OMA1: variants seen among roughly 807,000 people sequenced by gnomAD.
OMA1 encodes the protein OMA1 zinc metallopeptidase.
In OMA1, 38 loss-of-function variants were observed where a neutral mutation model predicts 30.9. That is an observed-to-expected ratio of 1.23 (90% confidence interval 0.95 to 1.61). OMA1 has a LOEUF of 1.61. Among genes scored for constraint, OMA1 ranks in the 40% most tolerant of loss-of-function variants. OMA1 has a pLI of 0.00. For synonymous variants in OMA1, 173 were observed against 121.9 expected (o/e 1.42, Z -2.76); for missense variants, 461 against 349.2 (o/e 1.32, Z -2.55).
chr1:58,500,819 G>A (rs1645894831), intron 8 of OMA1, among the ~76,000 whole-genome samples: 1 of 152,110 alleles, frequency 6.6e-6, no homozygotes, highest in South Asian at 2.1e-4. Context: ...AAGAAATTCA[G>A]TCTAAATGTT....
At chr1:58,515,667 T>G (rs1646147791) in intron 7 of OMA1, among the ~76,000 whole-genome samples, 1 of 152,170 alleles carries the variant, frequency 6.6e-6, no homozygotes, top group African/African-American at 2.4e-5. Flanking sequence ...AAAAGAATCA[T>G]TAAGCAAAGA....
intron 4 of OMA1, 48 bp from the exon 5 acceptor site, chr1:58,534,108 T>A (rs1191526156): frequency 1.2e-6 from 1 of 866,954 alleles, no homozygotes; most frequent in South Asian, 1.3e-5. Context: ...TCATAAAAAA[T>A]AAGGACAATA....
chr1:58,540,470 G>A (rs1646588780), intron 1 of OMA1, among the ~76,000 whole-genome samples: 1 of 151,748 alleles, frequency 6.6e-6, no homozygotes, highest in South Asian at 2.1e-4. Context: ...AAGGATATTA[G>A]TTATTGTAAC....
In OMA1 at chr1:58,530,645, T is replaced by TGATA; in HGVS notation, c.1095_1096insTATC (p.Ser366TyrfsTer13). ...ATCCACTGGCACAAAAGTGCCAAGC[T>TGATA]ATCTCGAGGACAAATGGCCCAAATC... On this transcript the variant is annotated frameshift_variant, in exon 6 of 9. Coordinates refer to ENST00000371226, the MANE Select transcript of OMA1 (RefSeq NM_145243.5). LOFTEE classifies it high-confidence loss of function. The TGATA allele has an allele frequency of 1.1e-6, 1 of 872,844 alleles. No individual in the cohort carries two copies. The highest frequency in any genetic ancestry group is 2.0e-6 in the Non-Finnish European group (1 of 501,598). 54.1% of individuals were successfully genotyped at this position (872,844 alleles called of 1,614,324 possible).
intron 6 of OMA1, among the ~76,000 whole-genome samples, chr1:58,528,301 G>A (rs1646382511): frequency 6.6e-6 from 1 of 152,160 alleles, no homozygotes; most frequent in African/African-American, 2.4e-5. Context: ...TTAACTTATT[G>A]TTAACCCTGA....
intron 7 of OMA1, among the ~76,000 whole-genome samples, chr1:58,507,362 A>G (rs1471479433): frequency 6.6e-6 from 1 of 152,002 alleles, no homozygotes; most frequent in Non-Finnish European, 1.5e-5. Flanking sequence ...AAAGGCAAAT[A>G]TATTAATAGA....
chr1:58,536,064 A>G (rs1180468301), intron 3 of OMA1, among the ~76,000 whole-genome samples: 1 of 152,174 alleles, frequency 6.6e-6, no homozygotes, highest in Non-Finnish European at 1.5e-5. Flanking sequence ...AATTATGCAA[A>G]TAATTATGTT....
intron 7 of OMA1, among the ~76,000 whole-genome samples, chr1:58,508,173 G>C (rs879406216): frequency 5.9e-5 from 9 of 152,082 alleles, no homozygotes; most frequent in Non-Finnish European, 1.3e-4. Flanking sequence ...TATTAAAAGG[G>C]GACTTGAGAT....
chr1:58,527,265 G>T lies in OMA1; in HGVS notation c.1211C>A (p.Ala404Glu), dbSNP rs1646366908. The change falls in exon 7 of 9, where the codon GCA (alanine) becomes GAA (glutamate). Residue 404 changes from alanine to glutamate, a missense_variant. Transcript: ENST00000371226. The part of the protein sequence containing the change: ...EADKIGLLLA[A>E]KACADIRASS... ...CTCAACTACTAAACACTTTACCTTT[G>T]CAGCAAGCAGTAGTCCAATTTTGTC... is the stretch of plus-strand genomic sequence containing the variant. 3 of 872,072 alleles carry T rather than the reference G, an allele frequency of 3.4e-6. No homozygotes were observed. Among genetic ancestry groups the T allele is most frequent in the Non-Finnish European group, 6.0e-6 (3 of 501,206 alleles). 54.0% of individuals were successfully genotyped at this position (872,072 alleles called of 1,614,324 possible).
chr1:58,526,178 T>C (rs1356121354), intron 7 of OMA1, among the ~76,000 whole-genome samples: 3 of 152,026 alleles, frequency 2.0e-5, no homozygotes, highest in Non-Finnish European at 4.4e-5. Context: ...ATTAGGAAAT[T>C]CTTAATACAG....
Position 58,490,911 on chromosome 1 carries a change from T to C in OMA1, c.1366-9737A>G, listed in dbSNP as rs1645673861. 2.1e-5 allele frequency among the ~76,000 whole-genome samples: 3 copies of C among 139,814 alleles called. No individual in the cohort carries two copies. The South Asian group carries it at 7.6e-4, about 35-fold the overall frequency. 91.7% of individuals were successfully genotyped at this position (139,814 alleles called of 152,430 possible). A position where few individuals can be genotyped will look rare whatever the true frequency, so the allele number is the denominator to read the frequency against. On this transcript the variant is annotated intron_variant, in intron 8 of 8. Coordinates refer to ENST00000371226, the MANE Select transcript of OMA1 (RefSeq NM_145243.5). ...AGCTCTGCCTCCTGGGTTCACACCA[T>C]TCTCCTGCCTCAGCCTTCCGAGTAG...
intron 2 of OMA1, among the ~76,000 whole-genome samples, chr1:58,537,599 T>C (rs1569975997): frequency 6.6e-6 from 1 of 152,336 alleles, no homozygotes; most frequent in Middle Eastern, 3.4e-3. Context: ...TTTTCAATAC[T>C]GGGACAAAAA....
rs1230473965 is a variant in OMA1 at position 58,480,790 on chromosome 1, A to C, written c.*175T>G. ...GATATTTTAACATAGATTAAAATAC[A>C]TCAATATTTCATGAAAAATAAATTC... is the stretch of plus-strand genomic sequence containing the variant. On this transcript the variant is annotated 3_prime_UTR_variant, in exon 9 of 9. Coordinates refer to ENST00000371226, the MANE Select transcript of OMA1 (RefSeq NM_145243.5). 5.9e-6 allele frequency: 3 copies of C among 504,610 alleles called. No homozygotes were observed. Among genetic ancestry groups the C allele is most frequent in the Non-Finnish European group, 6.8e-6 (2 of 293,652 alleles). 31.3% of individuals were successfully genotyped at this position (504,610 alleles called of 1,614,324 possible). A position where few individuals can be genotyped will look rare whatever the true frequency, so the allele number is the denominator to read the frequency against.
chr1:58,519,654 G>A (rs182204124), intron 7 of OMA1, among the ~76,000 whole-genome samples: 5 of 152,108 alleles, frequency 3.3e-5, no homozygotes, highest in African/African-American at 9.6e-5. Context: ...AATAAGCAAC[G>A]ATGCCAACAA....
In OMA1 at chr1:58,545,408, T is replaced by C. The variant is rs1386997222; in HGVS notation, c.-17+1295A>G. ...TTTGAATAGAAACAGTGCCTGATAT[T>C]TTGTAATACCCGGTTTATCCTGAAG... On this transcript the variant is annotated intron_variant, in intron 1 of 8. Transcript: ENST00000371226. Among the ~76,000 whole-genome samples, 64 of 152,204 alleles carry C rather than the reference T, an allele frequency of 4.2e-4. 1 individual carries two copies. Among genetic ancestry groups the C allele is most frequent in the Non-Finnish European group, 1.5e-5 (1 of 68,044 alleles).
At chr1:58,494,742 T>G (rs1645765511) in intron 8 of OMA1, among the ~76,000 whole-genome samples, 1 of 152,058 alleles carries the variant, frequency 6.6e-6, no homozygotes, top group South Asian at 2.1e-4. Context: ...CCAGTTAGAA[T>G]GGCGATCATT....
intron 8 of OMA1, among the ~76,000 whole-genome samples, chr1:58,497,578 T>C (rs1645824313): frequency 6.6e-6 from 1 of 151,742 alleles, no homozygotes; most frequent in Admixed American, 6.6e-5. Flanking sequence ...CTAATTATTT[T>C]GGGCAATAGC....
intron 8 of OMA1, among the ~76,000 whole-genome samples, chr1:58,488,930 T>G (rs892566942): frequency 6.6e-6 from 1 of 152,256 alleles, no homozygotes; most frequent in Non-Finnish European, 1.5e-5. Context: ...AATATTTTCA[T>G]GAAAGATGTG....
chr1:58,531,061 A>G (rs1646427370), intron 5 of OMA1, among the ~76,000 whole-genome samples: 1 of 152,190 alleles, frequency 6.6e-6, no homozygotes, highest in Non-Finnish European at 1.5e-5. Flanking sequence ...AAACTGAGAT[A>G]GAGAGAGGTT....
Sources: gnomAD v4.1 joint callset for allele counts (sites outside exome capture counted in the v4.1 genomes callset) on GRCh38, gnomAD v4.1.1 for gene constraint, MANE v1.5 for transcripts, NCBI Gene and HGNC (gene_info 2026-07-23, HGNC 2026-07-21) for gene names.